Variants in WDHD1 observed in about 807,000 individuals in gnomAD.
WDHD1 encodes WD repeat and HMG-box DNA binding protein 1, also known as WD repeat and HMG-box DNA-binding protein 1.
A neutral mutation model predicts 135.4 loss-of-function variants in WDHD1; 111 were observed. That is an observed-to-expected ratio of 0.82 (90% CI 0.70 to 0.96). WDHD1 has a LOEUF of 0.96. Ranked by LOEUF, WDHD1 falls within the 40% of genes least tolerant of loss-of-function variation. The pLI, the probability that WDHD1 is intolerant of heterozygous loss-of-function variation, is 0.00. For synonymous variants in WDHD1, 434 were observed against 439.0 expected, an observed-to-expected ratio of 0.99 and a Z score of 0.14; for missense variants, 1,351 against 1,336.3, an observed-to-expected ratio of 1.01 and a Z score of -0.17.
At chr14:54,964,374 C>T (rs980570582) in intron 18 of WDHD1, among the ~76,000 whole-genome samples, 3 of 152,138 alleles carry the variant, frequency 2.0e-5, no homozygotes, top group Admixed American at 6.5e-5. Flanking sequence ...GGCGCAGTGG[C>T]TCACACCTGT....
At chr14:54,993,186 T>G (rs1447928587) in intron 11 of WDHD1, among the ~76,000 whole-genome samples, 1 of 152,202 alleles carries the variant, frequency 6.6e-6, no homozygotes, top group Admixed American at 6.5e-5. Flanking sequence ...GTTGCAATCA[T>G]GGCTCACTGC....
intron 16 of WDHD1, among the ~76,000 whole-genome samples, chr14:54,978,952 C>A (rs1455926293): frequency 2.0e-5 from 3 of 152,206 alleles, no homozygotes; most frequent in East Asian, 3.8e-4. Flanking sequence ...CTATTTTAGA[C>A]AGGTGATCTA....
intron 16 of WDHD1, among the ~76,000 whole-genome samples, chr14:54,971,417 A>C (rs544511772): frequency 1.3e-5 from 2 of 152,202 alleles, no homozygotes; most frequent in South Asian, 4.2e-4. Flanking sequence ...CTCTACAAAA[A>C]AATTTAAAAA....
intron 24 of WDHD1, among the ~76,000 whole-genome samples, chr14:54,951,036 G>A (rs879995232): frequency 6.6e-6 from 1 of 152,058 alleles, no homozygotes; most frequent in Non-Finnish European, 1.5e-5. Flanking sequence ...ATGCCCACAA[G>A]AGAAAGCAGA....
At chr14:54,975,281 G>A (rs1346812360) in intron 16 of WDHD1, among the ~76,000 whole-genome samples, 1 of 151,880 alleles carries the variant, frequency 6.6e-6, no homozygotes, top group East Asian at 1.9e-4. Context: ...AACAATACTT[G>A]GTAAACTGAA....
intron 7 of WDHD1, chr14:55,005,011 A>G: frequency 1.8e-6 from 1 of 544,822 alleles, no homozygotes. Flanking sequence ...GGAGTAGTCC[A>G]TTCACCCTGA....
At chr14:54,945,627 A>G (rs1457420168) in intron 24 of WDHD1, among the ~76,000 whole-genome samples, 1 of 152,062 alleles carries the variant, frequency 6.6e-6, no homozygotes, top group East Asian at 1.9e-4. Context: ...TGCAACCTCC[A>G]CCTTCCAGGT....
At chr14:55,011,727 T>C (rs1271762160) in intron 3 of WDHD1, among the ~76,000 whole-genome samples, 3 of 151,822 alleles carry the variant, frequency 2.0e-5, no homozygotes, top group African/African-American at 7.3e-5. Context: ...AATCTCATTT[T>C]TTTTACTTAT....
At chr14:55,002,646 CCCAGG>C (rs1382879764) in intron 7 of WDHD1, among the ~76,000 whole-genome samples, 5 of 152,016 alleles carry the variant, frequency 3.3e-5, no homozygotes, top group Admixed American at 6.6e-5. Flanking sequence ...TGCTCTGTCA[CCCAGG>C]CTGGAGTGCA....
chr14:55,021,385 G>C (rs1252067524), intron 2 of WDHD1, among the ~76,000 whole-genome samples: 1 of 151,406 alleles, frequency 6.6e-6, no homozygotes, highest in Admixed American at 6.6e-5. Context: ...CTAACTCTTC[G>C]GTTTAGTGTC....
chr14:55,017,305 T>C (rs1032463607), intron 2 of WDHD1, among the ~76,000 whole-genome samples: 3 of 152,208 alleles, frequency 2.0e-5, no homozygotes, highest in Non-Finnish European at 4.4e-5. Flanking sequence ...TACATATTAA[T>C]TTTATTGTTT....
At chr14:54,956,745 A>G (rs2041165278) in intron 23 of WDHD1, among the ~76,000 whole-genome samples, 1 of 152,156 alleles carries the variant, frequency 6.6e-6, no homozygotes, top group South Asian at 2.1e-4. Flanking sequence ...GAAACAAAAA[A>G]CACAACTGTT....
At chr14:55,013,667 A>T (rs187029363) in intron 2 of WDHD1, 71 bp from the exon 3 acceptor site, 1 of 1,184,220 alleles carries the variant, frequency 8.4e-7, no homozygotes, top group African/African-American at 1.5e-5. Flanking sequence ...GCACTTTGGG[A>T]GTACAAGGTG....
At chr14:54,981,943 G>A (rs2041625083) in intron 15 of WDHD1, among the ~76,000 whole-genome samples, 1 of 151,840 alleles carries the variant, frequency 6.6e-6, no homozygotes, top group Non-Finnish European at 1.5e-5. Flanking sequence ...AAAAAACTGA[G>A]TTTCAGTGAA....
chr14:54,991,727 A>C (rs1291611375), intron 11 of WDHD1, among the ~76,000 whole-genome samples: 1 of 152,206 alleles, frequency 6.6e-6, no homozygotes, highest in African/African-American at 2.4e-5. Context: ...CTGTGTGCTA[A>C]AATGAGAAGT....
chr14:54,957,775 G>C (rs2041184494), intron 21 of WDHD1, 140 bp from the exon 22 acceptor site: 1 of 653,852 alleles, frequency 1.5e-6, no homozygotes, highest in East Asian at 2.9e-5. Flanking sequence ...ATTAACAACA[G>C]ATATCCTCTT....
chr14:54,956,712 G>A (rs548163709), intron 23 of WDHD1, among the ~76,000 whole-genome samples: 1 of 152,144 alleles, frequency 6.6e-6, no homozygotes, highest in Non-Finnish European at 1.5e-5. Context: ...AACAACTCAC[G>A]AGGCAGAATA....
rs752645855 is a variant in WDHD1, at chr14:54,957,177, T to G, written c.2773A>C (p.Met925Leu). The G allele has an allele frequency of 6.2e-7, 1 of 1,614,102 alleles. No homozygotes were observed. Among genetic ancestry groups the G allele is most frequent in the Non-Finnish European group, 8.5e-7 (1 of 1,179,976 alleles). The change falls in exon 23 of 26, where the codon ATG (methionine) becomes CTG (leucine). Residue 925 changes from methionine (M) to leucine (L), a missense_variant. Met to Leu is a conservative substitution (Grantham distance 15, BLOSUM62 2). Transcript: ENST00000360586. ...GTTGAACGTGCTGAATTCATTGACA[T>G]GGCTGGTTCTTTGGAACTGGCTGAT... ...KVSASSKEPA[M>L]SMNSARSTNI...
At chr14:54,987,437 C>CCTATAT in intron 13 of WDHD1, 50 bp from the exon 14 acceptor site, 1 of 1,350,056 alleles carries the variant, frequency 7.4e-7, no homozygotes, top group Non-Finnish European at 1.0e-6. Context: ...ATGATATTTA[C>CCTATAT]ATATATATAT....
Sources: gnomAD v4.1 joint callset for allele counts (sites outside exome capture counted in the v4.1 genomes callset) on GRCh38, gnomAD v4.1.1 for gene constraint, MANE v1.5 for transcripts, NCBI Gene and HGNC (gene_info 2026-07-23, HGNC 2026-07-21) for gene names.